Variants in SPECC1 observed in about 807,000 individuals in gnomAD.
SPECC1 encodes the protein cytospin-B.
SPECC1 carries 62 observed loss-of-function variants against 104.1 expected under a neutral mutation model. The ratio of observed to expected loss-of-function variants is 0.60; its 90% CI spans 0.49 to 0.74. The LOEUF (loss-of-function observed/expected upper bound fraction) is 0.74. Ranked by LOEUF, SPECC1 falls within the 30% of genes least tolerant of loss-of-function variation. SPECC1 has a pLI of 0.00. For synonymous variants in SPECC1, 513 were observed against 501.6 expected, an observed-to-expected ratio of 1.02 and a Z score of -0.30; for missense variants, 1,306 against 1,310.5, an observed-to-expected ratio of 1.00 and a Z score of 0.05.
chr17:20,244,241 A>T (rs1311612111), intron 7 of SPECC1, among the ~76,000 whole-genome samples: 6 of 152,144 alleles, frequency 3.9e-5, no homozygotes, highest in African/African-American at 1.4e-4. Flanking sequence ...AACAAAAAAA[A>T]GGTGGCCCAT....
intron 1 of SPECC1, among the ~76,000 whole-genome samples, chr17:20,035,061 A>C (rs1352644068): frequency 2.6e-5 from 4 of 152,194 alleles, no homozygotes; most frequent in Non-Finnish European, 5.9e-5. Flanking sequence ...TCCCCCGTTG[A>C]AGTGTTTTAA....
chr17:20,280,966 C>A (rs2040749245), intron 12 of SPECC1, among the ~76,000 whole-genome samples: 1 of 152,174 alleles, frequency 6.6e-6, no homozygotes, highest in Non-Finnish European at 1.5e-5. Context: ...GAGTCACTTT[C>A]CTAAAGTCAT....
At chr17:20,272,433 A>T (rs1003193452) in intron 12 of SPECC1, among the ~76,000 whole-genome samples, 21 of 152,290 alleles carry the variant, frequency 1.4e-4, no homozygotes, top group African/African-American at 3.6e-4. Flanking sequence ...TTAAATGTAC[A>T]GTTCAGTATC....
At chr17:20,088,711 C>T (rs1362032741) in intron 1 of SPECC1, among the ~76,000 whole-genome samples, 1 of 152,124 alleles carries the variant, frequency 6.6e-6, no homozygotes, top group East Asian at 1.9e-4. Flanking sequence ...GTGGCTCAGC[C>T]GAGCTCAGGC....
chr17:20,121,724 T>C (rs2049041857), intron 3 of SPECC1, among the ~76,000 whole-genome samples: 1 of 152,160 alleles, frequency 6.6e-6, no homozygotes, highest in Non-Finnish European at 1.5e-5. Flanking sequence ...ATGAGGAGGT[T>C]CCTTGTGTGC....
chr17:20,150,173 C>T (rs2031863131), intron 3 of SPECC1, among the ~76,000 whole-genome samples: 1 of 151,676 alleles, frequency 6.6e-6, no homozygotes. Context: ...ATAGTAGAGA[C>T]AGGGTTTCAC....
At chr17:20,194,905 A>G (rs1314156200) in intron 3 of SPECC1, among the ~76,000 whole-genome samples, 6 of 152,210 alleles carry the variant, frequency 3.9e-5, no homozygotes, top group Admixed American at 2.6e-4. Flanking sequence ...AGGTAGAGAG[A>G]AACAAATATG....
intron 12 of SPECC1, among the ~76,000 whole-genome samples, chr17:20,260,785 T>G (rs1158758246): frequency 6.6e-6 from 1 of 152,078 alleles, no homozygotes; most frequent in Non-Finnish European, 1.5e-5. Flanking sequence ...GTGCAGGAAT[T>G]GATATCAACA....
At chr17:20,036,032 C>CA (rs1348724905) in intron 1 of SPECC1, among the ~76,000 whole-genome samples, 5 of 152,122 alleles carry the variant, frequency 3.3e-5, no homozygotes, top group Non-Finnish European at 2.9e-5. Context: ...AGGCTGGTCT[C>CA]AAACTCCTGA....
rs374260838 is a variant in SPECC1 at position 20,050,162 on chromosome 17, A to G, written c.-22+40738A>G. Among the ~76,000 whole-genome samples, 71 of 152,324 alleles carry G rather than the reference A, an allele frequency of 4.7e-4. 1 individual carries two copies. The highest frequency in any genetic ancestry group is 1.6e-3 in the African/African-American group (68 of 41,576). The stretch of plus-strand genomic sequence containing the variant: ...TTGGTGCTCCTCACCAACATGGCAC[A>G]TGTATACCTATGTAATAAACCTGCA... On this transcript the variant is annotated intron_variant, in intron 1 of 14. Transcript: ENST00000395527.
At chr17:20,077,785 T>G (rs1234318373) in intron 1 of SPECC1, among the ~76,000 whole-genome samples, 1 of 152,046 alleles carries the variant, frequency 6.6e-6, no homozygotes, top group East Asian at 1.9e-4. Flanking sequence ...TTATGATATG[T>G]AGAGAGAATG....
chr17:20,136,168 G>A (rs1429466947), intron 3 of SPECC1, among the ~76,000 whole-genome samples: 7 of 152,128 alleles, frequency 4.6e-5, no homozygotes, highest in Non-Finnish European at 8.8e-5. Flanking sequence ...TCTCACACTT[G>A]TAATCCCAGC....
intron 3 of SPECC1, chr17:20,112,539 T>G (rs2048544273): frequency 2.6e-6 from 2 of 779,772 alleles, no homozygotes; most frequent in African/African-American, 3.4e-5. Flanking sequence ...AACATTAACT[T>G]CAAAATGGCC....
At chr17:20,181,785 A>C (rs1340384702) in intron 3 of SPECC1, among the ~76,000 whole-genome samples, 16 of 152,192 alleles carry the variant, frequency 1.1e-4, no homozygotes, top group Non-Finnish European at 2.4e-4. Flanking sequence ...AAATACCATA[A>C]AATATCTAGG....
At chr17:20,136,718 G>A (rs988923193) in intron 3 of SPECC1, among the ~76,000 whole-genome samples, 11 of 152,162 alleles carry the variant, frequency 7.2e-5, no homozygotes, top group Middle Eastern at 3.4e-3. Context: ...CATTCTGCAC[G>A]TGCGCATTTT....
At chr17:20,202,573 T>G (rs557764614) in intron 3 of SPECC1, among the ~76,000 whole-genome samples, 28 of 152,350 alleles carry the variant, frequency 1.8e-4, no homozygotes, top group African/African-American at 2.9e-4. Flanking sequence ...AGTATGGTAC[T>G]GCAAATGTAT....
At chr17:20,148,201 C>T (rs1486435054) in intron 3 of SPECC1, among the ~76,000 whole-genome samples, 1 of 152,002 alleles carries the variant, frequency 6.6e-6, no homozygotes, top group Non-Finnish European at 1.5e-5. Flanking sequence ...AGGAATCTTC[C>T]TAGAAACTGA....
In SPECC1 at chr17:20,246,072, G is replaced by C; in HGVS notation, c.2497+1G>C. The C allele has an allele frequency of 6.2e-7, 1 of 1,613,642 alleles. No homozygotes were observed. The highest frequency in any genetic ancestry group is 8.5e-7 in the Non-Finnish European group (1 of 1,179,734). On this transcript the variant is annotated splice_donor_variant, in intron 8 of 14. Coordinates refer to ENST00000395527, the MANE Select transcript of SPECC1 (RefSeq NM_001243439.2). LOFTEE classifies it high-confidence loss of function. ...AAGTCATTTGACTTGGGACGCCCAG[G>C]TATTTAATCATTTTTTCTATAAGCA... is the stretch of plus-strand genomic sequence containing the variant.
At chr17:20,071,656 C>T (rs188108103) in intron 1 of SPECC1, among the ~76,000 whole-genome samples, 1 of 152,078 alleles carries the variant, frequency 6.6e-6, no homozygotes, top group Admixed American at 6.6e-5. Flanking sequence ...ATTTGGGGGG[C>T]GACTGTAACT....
Sources: gnomAD v4.1 joint callset for allele counts (sites outside exome capture counted in the v4.1 genomes callset) on GRCh38, gnomAD v4.1.1 for gene constraint, MANE v1.5 for transcripts, NCBI Gene and HGNC (gene_info 2026-07-23, HGNC 2026-07-21) for gene names.